ATXN7L1: variants seen among roughly 807,000 people sequenced by gnomAD.
The protein encoded by ATXN7L1 is ataxin 7 like 1, also known as ataxin-7-like protein 1.
Under a neutral mutation model 70.8 loss-of-function variants are expected in ATXN7L1, and 15 were observed. That is an observed-to-expected ratio of 0.21 (90% CI 0.14 to 0.33). The LOEUF (loss-of-function observed/expected upper bound fraction) is 0.33. Among genes scored for constraint, ATXN7L1 ranks in the 10% least tolerant of loss-of-function variants. The pLI is 1.00. For missense variants in ATXN7L1, 975 were observed against 1,097.1 expected (o/e 0.89, Z 1.57); for synonymous variants, 440 against 445.1 (o/e 0.99, Z 0.14).
chr7:105,632,578 A>T (rs973154831), intron 7 of ATXN7L1, among the ~76,000 whole-genome samples: 4 of 152,198 alleles, frequency 2.6e-5, no homozygotes, highest in Non-Finnish European at 5.9e-5. Flanking sequence ...AAGTATCTCC[A>T]GATTGAATGA....
chr7:105,800,555 T>C lies in ATXN7L1; in HGVS notation c.251-11847A>G, dbSNP rs149512330. 4.9e-4 allele frequency among the ~76,000 whole-genome samples: 74 copies of C among 152,306 alleles called. No individual in the cohort carries two copies. The South Asian group carries it at 0.015, about 30-fold the overall frequency. On this transcript the variant is annotated intron_variant, in intron 2 of 11. Transcript: ENST00000419735. ...ACTGTTTTATATACAGACTCAGACA[T>C]TTATCAGTCAAAAGTGAAGACTGCC...
At chr7:105,728,650 C>T (rs1796176904) in intron 3 of ATXN7L1, among the ~76,000 whole-genome samples, 1 of 152,110 alleles carries the variant, frequency 6.6e-6, no homozygotes, top group Admixed American at 6.5e-5. Flanking sequence ...ATAACTAGTA[C>T]CCAGATCTTG....
chr7:105,790,511 G>GT (rs1482799883), intron 2 of ATXN7L1, among the ~76,000 whole-genome samples: 1 of 151,938 alleles, frequency 6.6e-6, no homozygotes, highest in African/African-American at 2.4e-5. Context: ...AGTCCAAGAG[G>GT]TCAAGGCTGC....
At chr7:105,794,847 T>C (rs1295453631) in intron 2 of ATXN7L1, among the ~76,000 whole-genome samples, 2 of 152,214 alleles carry the variant, frequency 1.3e-5, no homozygotes, top group Non-Finnish European at 1.5e-5. Context: ...ATTCAGGAGA[T>C]TACTCACAGA....
chr7:105,676,164 G>A lies in ATXN7L1; in HGVS notation c.356-10876C>T, dbSNP rs114211009. Among the ~76,000 whole-genome samples, 1,267 of 152,264 alleles carry A rather than the reference G, an allele frequency of 8.3e-3. 18 individuals are homozygous for A. The highest frequency in any genetic ancestry group is 0.029 in the African/African-American group (1,211 of 41,538). On this transcript the variant is annotated intron_variant, in intron 3 of 11. Coordinates refer to ENST00000419735, the MANE Select transcript of ATXN7L1 (RefSeq NM_020725.2). The stretch of plus-strand genomic sequence containing the variant: ...GGACTCCACCTGGAGCCAGAACCAC[G>A]ATCCTCTTCATAACATGAGGCCTTT...
intron 4 of ATXN7L1, among the ~76,000 whole-genome samples, chr7:105,664,815 C>T (rs150352670): frequency 2.4e-4 from 37 of 152,036 alleles, no homozygotes; most frequent in African/African-American, 8.2e-4. Flanking sequence ...GATCTACCCA[C>T]CTCAGCCTCC....
chr7:105,705,183 G>A (rs1446263681), intron 3 of ATXN7L1, among the ~76,000 whole-genome samples: 16 of 151,384 alleles, frequency 1.1e-4, no homozygotes, highest in African/African-American at 3.4e-4. Context: ...GTGCCTCCAC[G>A]CCTGCCTAAT....
intron 7 of ATXN7L1, among the ~76,000 whole-genome samples, chr7:105,630,376 A>G (rs1431835774): frequency 1.3e-5 from 2 of 152,204 alleles, no homozygotes; most frequent in Non-Finnish European, 2.9e-5. Context: ...ACTTCCTAAC[A>G]TCCATTTAAC....
chr7:105,846,782 A>G (rs924242203), intron 2 of ATXN7L1, among the ~76,000 whole-genome samples: 10 of 152,268 alleles, frequency 6.6e-5, no homozygotes, highest in African/African-American at 1.9e-4. Flanking sequence ...AGCTACAAAA[A>G]GGAATGAGGT....
chr7:105,685,044 GATAATAATAATAATAATAATAATA>G (rs112358794), intron 3 of ATXN7L1, among the ~76,000 whole-genome samples: 11 of 142,690 alleles, frequency 7.7e-5, no homozygotes, highest in South Asian at 4.5e-4. Flanking sequence ...GAGAAGAGAT[GATAATAATAATAATAATAATAATA>G]ATAATAATAA....
At chr7:105,819,781 G>A (rs897681317) in intron 2 of ATXN7L1, 31 of 675,092 alleles carry the variant, frequency 4.6e-5, no homozygotes, top group Middle Eastern at 4.1e-4. Flanking sequence ...AGGCCGGGCC[G>A]CCCTGGAGCG....
intron 3 of ATXN7L1, among the ~76,000 whole-genome samples, chr7:105,727,647 C>T (rs761909984): frequency 5.4e-5 from 7 of 128,872 alleles, no homozygotes; most frequent in East Asian, 4.6e-4. Flanking sequence ...CCAGCCTGGG[C>T]GACAAGAGTG....
chr7:105,830,688 C>G (rs1179114629), intron 2 of ATXN7L1, among the ~76,000 whole-genome samples: 1 of 152,264 alleles, frequency 6.6e-6, no homozygotes, highest in African/African-American at 2.4e-5. Flanking sequence ...AAATCTCTCT[C>G]TTCTCTAAGA....
At chr7:105,853,937 C>T (rs1367974730) in intron 2 of ATXN7L1, among the ~76,000 whole-genome samples, 1 of 152,150 alleles carries the variant, frequency 6.6e-6, no homozygotes, top group Non-Finnish European at 1.5e-5. Context: ...AGCAGCACCT[C>T]ATTTCCCGGG....
chr7:105,770,055 G>A (rs1281867361), intron 3 of ATXN7L1, among the ~76,000 whole-genome samples: 4 of 152,250 alleles, frequency 2.6e-5, no homozygotes, highest in African/African-American at 9.6e-5. Context: ...CACGTGCACT[G>A]CAGAATTGCT....
chr7:105,642,108 C>T (rs1239734048), intron 5 of ATXN7L1, among the ~76,000 whole-genome samples: 5 of 152,150 alleles, frequency 3.3e-5, no homozygotes, highest in East Asian at 3.9e-4. Context: ...AAAACTGCCA[C>T]GTTTAGTTCT....
At position 105,646,084 on chromosome 7, in the gene ATXN7L1, G is replaced by A. The variant is rs556896723; in HGVS notation, c.579-2963C>T. Among the ~76,000 whole-genome samples, 46 of 152,050 alleles carry A rather than the reference G, an allele frequency of 3.0e-4. 1 individual carries two copies. In the South Asian group the frequency reaches 5.6e-3, roughly 19 times the overall value. On this transcript the variant is annotated intron_variant, in intron 4 of 11. Transcript: ENST00000419735. ...CCTAGCTCTTTGGGAGGCTGAGGTGGGAGGATTGCTTGAGCCTAGGAGTTT... is the reference window on the plus strand; with the variant it reads ...CCTAGCTCTTTGGGAGGCTGAGGTGAGAGGATTGCTTGAGCCTAGGAGTTT...
At chr7:105,837,586 G>A (rs1367126286) in intron 2 of ATXN7L1, among the ~76,000 whole-genome samples, 1 of 152,210 alleles carries the variant, frequency 6.6e-6, no homozygotes, top group Non-Finnish European at 1.5e-5. Context: ...CAGTGAAAGG[G>A]TGCCAGTGAA....
At position 105,876,551 on chromosome 7, in the gene ATXN7L1, G is replaced by GAGA; in HGVS notation, c.7_8insTCT (p.Thr2_Ser3insPhe). 7.1e-7 allele frequency: 1 copy of GAGA among 1,416,984 alleles called. No individual in the cohort carries two copies. Among genetic ancestry groups the GAGA allele is most frequent in the Non-Finnish European group, 9.5e-7 (1 of 1,054,494 alleles). 87.8% of individuals were successfully genotyped at this position (1,416,984 alleles called of 1,614,324 possible). On this transcript the variant is annotated inframe_insertion, in exon 1 of 12. Coordinates refer to ENST00000419735, the MANE Select transcript of ATXN7L1 (RefSeq NM_020725.2). ...GAGACACGGGATTCGAGAACGCTCC[G>GAGA]ACGTCATCTTCGGAACGTTCCGACA... is the stretch of plus-strand genomic sequence containing the variant.
Sources: gnomAD v4.1 joint callset for allele counts (sites outside exome capture counted in the v4.1 genomes callset) on GRCh38, gnomAD v4.1.1 for gene constraint, MANE v1.5 for transcripts, NCBI Gene and HGNC (gene_info 2026-07-23, HGNC 2026-07-21) for gene names.